The following MAGT1 variants were observed in gnomAD, a reference collection of about 807,000 sequenced individuals.
MAGT1 encodes dolichyl-diphosphooligosaccharide--protein glycosyltransferase subunit MAGT1.
In MAGT1, 4 loss-of-function variants were observed where a neutral mutation model predicts 28.4. The observed-to-expected ratio is 0.14, with a 90% CI of 0.07 to 0.32. The LOEUF is 0.32. MAGT1 is among the 10% of genes least tolerant of loss of function. The pLI, the probability that MAGT1 is intolerant of heterozygous loss-of-function variation, is 1.00. For missense variants in MAGT1, 193 were observed against 264.5 expected, an observed-to-expected ratio of 0.73 and a Z score of 1.88; for synonymous variants, 89 against 89.7, an observed-to-expected ratio of 0.99 and a Z score of 0.04.
chrX:77,841,435 T>C (rs1457005627), intron 7 of MAGT1, 115 bp from the exon 8 acceptor site: 1 of 546,097 alleles, frequency 1.8e-6, no homozygotes, highest in Admixed American at 2.9e-5. Context: ...CAACTCTTCA[T>C]TATAAAAAAC....
chrX:77,844,432 T>C (rs782345138), intron 7 of MAGT1, among the ~76,000 whole-genome samples: 147 of 111,773 alleles, frequency 1.3e-3, no homozygotes, highest in African/African-American at 4.6e-3. Flanking sequence ...GAAGGGTTTT[T>C]TGTGTCTATT....
chrX:77,842,957 T>C (rs1186503811), intron 7 of MAGT1, among the ~76,000 whole-genome samples: 1 of 112,728 alleles, frequency 8.9e-6, no homozygotes, highest in Non-Finnish European at 1.9e-5. Flanking sequence ...CATGGTTGAA[T>C]ATTAAAATAA....
At chrX:77,834,441 C>T (rs1603359065) in intron 8 of MAGT1, among the ~76,000 whole-genome samples, 1 of 107,433 alleles carries the variant, frequency 9.3e-6, no homozygotes, top group African/African-American at 3.4e-5. Flanking sequence ...CCAAGCAATC[C>T]TCCTGCCTCA....
Position 77,856,797 on chromosome X carries a change from A to G in MAGT1, c.608T>C (p.Val203Ala). Reference protein sequence around the residue: ...GLLLAVIGGLVYLRRSNMEFL... With the variant: ...GLLLAVIGGLAYLRRSNMEFL... ...TTCCATATTACTTCTTCGAAGATAC[A>G]CAAGTCCACCAATAACAGCCAAAAG... The change falls in exon 5 of 10, where the codon GTG becomes GCG. Residue 203 changes from valine to alanine, a missense_variant. Physicochemically the swap from Val to Ala is moderately conservative, Grantham distance 64. Transcript: ENST00000618282. The G allele has an allele frequency of 8.3e-7, 1 of 1,206,513 alleles. No homozygotes were observed. The highest frequency in any genetic ancestry group is 1.1e-6 in the Non-Finnish European group (1 of 890,780).
chrX:77,867,784 T>C lies in MAGT1; in HGVS notation c.390+3024A>G, dbSNP rs1277193280. On this transcript the variant is annotated intron_variant, in intron 3 of 9. Transcript: ENST00000618282. The stretch of plus-strand genomic sequence containing the variant: ...TTAGCTTGCAAGTAGGGTAAGAACT[T>C]AGATCCTTCCCAGCTTTTGAACCCT... Among the ~76,000 whole-genome samples, 2 of 67,207 alleles carry C rather than the reference T, an allele frequency of 3.0e-5. 1 individual carries two copies. Among genetic ancestry groups the C allele is most frequent in the African/African-American group, 6.9e-5 (2 of 28,901 alleles). 58.4% of individuals were successfully genotyped at this position (67,207 alleles called of 115,157 possible).
intron 3 of MAGT1, among the ~76,000 whole-genome samples, chrX:77,865,532 A>T (rs2077006479): frequency 9.2e-6 from 1 of 109,089 alleles, no homozygotes; most frequent in South Asian, 4.0e-4. Context: ...TGACCTCGTG[A>T]TCTGCCTGCC....
rs782394112 is a variant in MAGT1 at position 77,867,141 on chromosome X, A to T, written c.390+3667T>A. ...TGGCTGTGCATGAAATACTTTCTCT[A>T]TTGCAATTCCTCTGTCTTGATGAAT... On this transcript the variant is annotated intron_variant, in intron 3 of 9. Transcript: ENST00000618282. 1.1e-4 allele frequency among the ~76,000 whole-genome samples: 7 copies of T among 66,537 alleles called. No homozygotes were observed. The South Asian group carries it at 4.8e-3, about 45-fold the overall frequency. The allele number at this position is 66,537 out of a possible 115,157, so 57.8% of individuals were successfully genotyped here.
chrX:77,870,227 T>C (rs2077017203), intron 3 of MAGT1, among the ~76,000 whole-genome samples: 1 of 110,331 alleles, frequency 9.1e-6, no homozygotes, highest in Admixed American at 9.8e-5. Context: ...AAGATTGATA[T>C]AATGGACGTT....
chrX:77,884,551 T>C (rs782377615), intron 1 of MAGT1, among the ~76,000 whole-genome samples: 3 of 110,802 alleles, frequency 2.7e-5, no homozygotes, highest in African/African-American at 9.8e-5. Context: ...AAACAGGCCA[T>C]GATCATTCTA....
Position 77,829,093 on chromosome X carries a change from A to T in MAGT1, c.*127T>A. ...CACATCTTCTTTGGTTAAATGATTA[A>T]CTATTTAAATCACTTGAAAAAAAGA... is the stretch of plus-strand genomic sequence containing the variant. On this transcript the variant is annotated 3_prime_UTR_variant, in exon 10 of 10. Coordinates refer to ENST00000618282, the MANE Select transcript of MAGT1 (RefSeq NM_001367916.1). 1.8e-6 allele frequency: 1 copy of T among 564,537 alleles called. No individual in the cohort carries two copies. The highest frequency in any genetic ancestry group is 3.0e-6 in the Non-Finnish European group (1 of 329,341). 46.5% of individuals were successfully genotyped at this position (564,537 alleles called of 1,213,427 possible). A position where few individuals can be genotyped will look rare whatever the true frequency, so the allele number is the denominator to read the frequency against.
rs2076979069 is a variant in MAGT1, at chrX:77,855,439, A to T, written c.762+62T>A. On this transcript the variant is annotated intron_variant, in intron 6 of 9. Transcript: ENST00000618282. ...CTTCATATGCTGGCACTGTTCTCAC[A>T]GGGTAATAATCATTGAGTTAACTTT... The T allele has an allele frequency of 3.7e-6, 3 of 812,212 alleles. No individual in the cohort carries two copies. In the Admixed American group the frequency reaches 6.8e-5, roughly 18 times the overall value. 66.9% of individuals were successfully genotyped at this position (812,212 alleles called of 1,213,427 possible).
At chrX:77,842,033 C>T (rs1176161378) in intron 7 of MAGT1, among the ~76,000 whole-genome samples, 1 of 109,018 alleles carries the variant, frequency 9.2e-6, no homozygotes, top group African/African-American at 3.3e-5. Flanking sequence ...CCCTAAAGAA[C>T]ACATTTGAAA....
At chrX:77,837,606 T>TA (rs781841830) in intron 8 of MAGT1, among the ~76,000 whole-genome samples, 6 of 110,996 alleles carry the variant, frequency 5.4e-5, no homozygotes, top group African/African-American at 1.6e-4. Context: ...CACATCCAGC[T>TA]AAAAAAAATC....
intron 7 of MAGT1, among the ~76,000 whole-genome samples, chrX:77,853,633 A>G (rs2076974332): frequency 8.9e-6 from 1 of 111,924 alleles, no homozygotes; most frequent in Non-Finnish European, 1.9e-5. Flanking sequence ...TTACAACTCT[A>G]TCTTTTCTTT....
At chrX:77,867,902 CTG>C (rs1557217005) in intron 3 of MAGT1, among the ~76,000 whole-genome samples, 1 of 66,926 alleles carries the variant, frequency 1.5e-5, no homozygotes, top group African/African-American at 3.5e-5. Context: ...AGAAAAAACT[CTG>C]GGAAATGTTA....
At position 77,856,724 on chromosome X, in the gene MAGT1, T is replaced by C. The variant is rs782414673; in HGVS notation, c.672+9A>G. 8.3e-7 allele frequency: 1 copy of C among 1,207,101 alleles called. No homozygotes were observed. Among genetic ancestry groups the C allele is most frequent in the South Asian group, 1.8e-5 (1 of 56,575 alleles). On this transcript the variant is annotated intron_variant, in intron 5 of 9. Transcript: ENST00000618282. ...TCAAATAATTTTTTGTCTTCTGAAA[T>C]TCACTCACCAAAGCTGCAAAAGCCC...
At chrX:77,848,404 A>C (rs1263607765) in intron 7 of MAGT1, among the ~76,000 whole-genome samples, 1 of 112,362 alleles carries the variant, frequency 8.9e-6, no homozygotes, top group Non-Finnish European at 1.9e-5. Flanking sequence ...TGTGGCCAAG[A>C]CGGGTGGATC....
chrX:77,832,178 T>C (rs782803967), intron 8 of MAGT1, among the ~76,000 whole-genome samples: 2 of 111,606 alleles, frequency 1.8e-5, no homozygotes, highest in Non-Finnish European at 3.8e-5. Flanking sequence ...CAAATACTAA[T>C]CCCCAAATGC....
chrX:77,865,424 G>A, intron 3 of MAGT1, among the ~76,000 whole-genome samples: 2 of 110,157 alleles, frequency 1.8e-5, no homozygotes, highest in South Asian at 7.8e-4. Context: ...CGAGTAGCTG[G>A]GACTACAGGC....
Sources: allele counts gnomAD v4.1 joint callset (sites outside exome capture counted in the v4.1 genomes callset), GRCh38; gene constraint gnomAD v4.1.1; transcripts MANE v1.5; gene names NCBI Gene and HGNC (gene_info 2026-07-23, HGNC 2026-07-21).